Variants in EPHA3 observed in about 807,000 individuals in gnomAD.
The protein encoded by EPHA3 is ephrin type-A receptor 3.
Under a neutral mutation model 107.1 loss-of-function variants are expected in EPHA3, and 42 were observed. The ratio of observed to expected loss-of-function variants is 0.39; its 90% CI spans 0.31 to 0.51. The LOEUF (loss-of-function observed/expected upper bound fraction) is 0.51, where lower values mean the gene tolerates loss of function less well. EPHA3 is among the 20% of genes least tolerant of loss of function. EPHA3 has a pLI of 0.78. For missense variants in EPHA3, 1,183 were observed against 1,211.2 expected, an observed-to-expected ratio of 0.98 and a Z score of 0.35; for synonymous variants, 461 against 424.8, an observed-to-expected ratio of 1.09 and a Z score of -1.05.
intron 3 of EPHA3, among the ~76,000 whole-genome samples, chr3:89,276,945 T>C (rs577528258): frequency 6.6e-6 from 1 of 152,152 alleles, no homozygotes; most frequent in Non-Finnish European, 1.5e-5. Context: ...TTTCAATGAG[T>C]ATATCCCTTT....
Position 89,413,152 on chromosome 3 carries a change from G to T in EPHA3, c.1774G>T (p.Gly592Cys), listed in dbSNP as rs1463230067. ...HFGNGHLKLP[G>C]LRTYVDPHTY... ...CTTTCCTCAAACAGTAAAACTTCCA[G>T]GTCTCAGGACTTATGTTGACCCACA... The change falls in exon 10 of 17, where the codon GGT (glycine) becomes TGT (cysteine). Residue 592 changes from glycine (G) to cysteine (C), a missense_variant. Physicochemically the swap from Gly to Cys is radical, Grantham distance 159. Coordinates refer to ENST00000336596, the MANE Select transcript of EPHA3 (RefSeq NM_005233.6). The T allele has an allele frequency of 1.9e-6, 3 of 1,611,086 alleles. No homozygotes were observed. Among genetic ancestry groups the T allele is most frequent in the Non-Finnish European group, 1.7e-6 (2 of 1,178,068 alleles).
intron 2 of EPHA3, among the ~76,000 whole-genome samples, chr3:89,183,690 TTA>T (rs1214048890): frequency 1.3e-5 from 2 of 151,986 alleles, no homozygotes; most frequent in Non-Finnish European, 2.9e-5. Context: ...TGATGATTTT[TTA>T]AAGACTTTAT....
rs755942381 is a variant in EPHA3 at position 89,479,474 on chromosome 3, A to G, written c.2924A>G (p.Gln975Arg). 3.4e-5 allele frequency: 55 copies of G among 1,614,018 alleles called. No individual in the cohort carries two copies. The highest frequency in any genetic ancestry group is 5.0e-5 in the Admixed American group (3 of 60,002). Residue 975 changes from glutamine (Q) to arginine (R), a missense_variant, in exon 17 of 17, where the codon CAA becomes CGA. Gln to Arg is a conservative substitution (Grantham distance 43, BLOSUM62 1). Coordinates refer to ENST00000336596, the MANE Select transcript of EPHA3 (RefSeq NM_005233.6). Reference sequence around the variant, plus strand: ...AGTAGCATTAAAGCTCTAGAAACGCAATCAAAGAATGGCCCAGTTCCCGTG... The same window carrying G: ...AGTAGCATTAAAGCTCTAGAAACGCGATCAAAGAATGGCCCAGTTCCCGTG... ...IISSIKALET[Q>R]SKNGPVPV
Position 89,334,146 on chromosome 3 carries a change from T to A in EPHA3, c.815-6770T>A, listed in dbSNP as rs193006322. On this transcript the variant is annotated intron_variant, in intron 3 of 16. Coordinates refer to ENST00000336596, the MANE Select transcript of EPHA3 (RefSeq NM_005233.6). ...ACTATCATAACATATAGTTTTATTA[T>A]GTTATTGGTTATGATGAAAGTATAA... 8.5e-4 allele frequency among the ~76,000 whole-genome samples: 129 copies of A among 152,300 alleles called. 1 individual carries two copies. Among genetic ancestry groups the A allele is most frequent in the Admixed American group, 5.5e-3 (84 of 15,284 alleles).
chr3:89,273,266 C>A (rs1005372033), intron 3 of EPHA3, among the ~76,000 whole-genome samples: 1 of 151,878 alleles, frequency 6.6e-6, no homozygotes, highest in Non-Finnish European at 1.5e-5. Flanking sequence ...AAAGGAGGTA[C>A]AAGTGACATA....
At chr3:89,328,046 C>T (rs1707206342) in intron 3 of EPHA3, among the ~76,000 whole-genome samples, 1 of 151,466 alleles carries the variant, frequency 6.6e-6, no homozygotes, top group Non-Finnish European at 1.5e-5. Flanking sequence ...TGCAGTCAGC[C>T]GAGATCATGC....
chr3:89,458,972 G>C (rs1710158987), intron 15 of EPHA3, among the ~76,000 whole-genome samples: 4 of 152,144 alleles, frequency 2.6e-5, no homozygotes, highest in Admixed American at 1.3e-4. Context: ...AGTGGGAGTT[G>C]AACAATGAGA....
chr3:89,413,673 TATC>T (rs1379962329), intron 10 of EPHA3, among the ~76,000 whole-genome samples: 1 of 151,792 alleles, frequency 6.6e-6, no homozygotes, highest in Non-Finnish European at 1.5e-5. Flanking sequence ...CACAAAGTAA[TATC>T]ATGACTCATC....
At chr3:89,338,362 G>A (rs150188287) in intron 3 of EPHA3, among the ~76,000 whole-genome samples, 169 of 152,200 alleles carry the variant, frequency 1.1e-3, no homozygotes, top group African/African-American at 3.8e-3. Context: ...CTCAAATGGC[G>A]CTCCTTCTGT....
chr3:89,305,666 T>C (rs1343514667), intron 3 of EPHA3, among the ~76,000 whole-genome samples: 1 of 152,142 alleles, frequency 6.6e-6, no homozygotes, highest in Non-Finnish European at 1.5e-5. Context: ...TCTGAACTAG[T>C]GTGTGCCACC....
chr3:89,341,886 T>A lies in EPHA3; in HGVS notation c.1102T>A (p.Trp368Arg), dbSNP rs771117648. The change falls in exon 5 of 17, where the codon TGG (tryptophan) becomes AGG (arginine). Residue 368 changes from tryptophan to arginine, a missense_variant. By Grantham distance (101) the Trp-to-Arg change is moderately radical. Transcript: ENST00000336596. ...CAACATCATATGTAAAAAATGTGGG[T>A]GGAATATAAAACAGTGTGAGCCATG... ...TFNIICKKCG[W>R]NIKQCEPCSP... 3 of 1,613,268 alleles carry A rather than the reference T, an allele frequency of 1.9e-6. No homozygotes were observed. In the South Asian group the frequency reaches 3.3e-5, roughly 18 times the overall value.
chr3:89,195,549 A>G (rs889897778), intron 2 of EPHA3, among the ~76,000 whole-genome samples: 3 of 152,134 alleles, frequency 2.0e-5, no homozygotes, highest in African/African-American at 7.2e-5. Flanking sequence ...AAAACCTCAG[A>G]GTCATTTTCA....
chr3:89,409,354 G>A (rs1397543978), intron 9 of EPHA3, among the ~76,000 whole-genome samples: 7 of 151,986 alleles, frequency 4.6e-5, no homozygotes, highest in Admixed American at 2.6e-4. Context: ...GCATAAATTA[G>A]AGCAGTGGCA....
At chr3:89,451,919 G>A (rs2107557167) in intron 15 of EPHA3, among the ~76,000 whole-genome samples, 1 of 151,882 alleles carries the variant, frequency 6.6e-6, no homozygotes, top group African/African-American at 2.4e-5. Context: ...GTGTGTGTGT[G>A]TGTTGGTGAG....
chr3:89,132,738 A>G (rs1704232578), intron 2 of EPHA3, among the ~76,000 whole-genome samples: 1 of 152,046 alleles, frequency 6.6e-6, no homozygotes, highest in South Asian at 2.1e-4. Context: ...CGATCAATAG[A>G]AATTAGCCTG....
chr3:89,408,235 T>C (rs1576363562), intron 9 of EPHA3, 104 bp downstream of exon 9: 3 of 1,097,816 alleles, frequency 2.7e-6, no homozygotes. Context: ...ACTTCAAAAG[T>C]AGTTTTATGG....
At chr3:89,130,062 G>A (rs190783170) in intron 2 of EPHA3, among the ~76,000 whole-genome samples, 1 of 152,106 alleles carries the variant, frequency 6.6e-6, no homozygotes, top group Non-Finnish European at 1.5e-5. Flanking sequence ...GCGAGTAAGG[G>A]AAGAGGGAAT....
chr3:89,438,411 T>G (rs1197359685), intron 13 of EPHA3, among the ~76,000 whole-genome samples: 1 of 152,000 alleles, frequency 6.6e-6, no homozygotes, highest in Non-Finnish European at 1.5e-5. Context: ...GTGCCTGGCC[T>G]GTTTGATTTC....
intron 3 of EPHA3, among the ~76,000 whole-genome samples, chr3:89,295,389 TTCA>T: frequency 2.5e-5 from 1 of 39,474 alleles, no homozygotes; most frequent in Non-Finnish European, 5.0e-5. Context: ...GGTGGCACCC[TTCA>T]GCTGTGGCAA....
Sources: allele counts gnomAD v4.1 joint callset (sites outside exome capture counted in the v4.1 genomes callset), GRCh38; gene constraint gnomAD v4.1.1; transcripts MANE v1.5; gene names NCBI Gene and HGNC (gene_info 2026-07-23, HGNC 2026-07-21).